Variants in ANKHD1 observed in about 807,000 individuals in gnomAD.
ANKHD1 encodes ankyrin repeat and KH domain containing 1, also known as ankyrin repeat and KH domain-containing protein 1.
ANKHD1 carries 31 observed loss-of-function variants against 230.5 expected under a neutral mutation model. The ratio of observed to expected loss-of-function variants is 0.13; its 90% CI spans 0.10 to 0.18. The LOEUF (loss-of-function observed/expected upper bound fraction) is 0.18. Among genes scored for constraint, ANKHD1 ranks in the 10% least tolerant of loss-of-function variants. The pLI is 1.00. For synonymous variants in ANKHD1, 1,074 were observed against 1,117.6 expected (o/e 0.96, Z 0.78); for missense variants, 2,256 against 3,071.3 (o/e 0.73, Z 6.27).
intron 2 of ANKHD1, among the ~76,000 whole-genome samples, chr5:140,436,846 A>T (rs545581601): frequency 6.6e-6 from 1 of 152,142 alleles, no homozygotes; most frequent in African/African-American, 2.4e-5. Flanking sequence ...TAATCAGTTT[A>T]TGACTTCTTT....
rs766649408 is a variant in ANKHD1 at position 140,438,453 on chromosome 5, C to A, written c.461-8C>A. 2.5e-6 allele frequency: 4 copies of A among 1,596,984 alleles called. No homozygotes were observed. Among genetic ancestry groups the A allele is most frequent in the Non-Finnish European group, 3.4e-6 (4 of 1,170,742 alleles). ...CTGCACTACCTGATTGATTGATGCA[C>A]ACTGAAGGAATTGGCAAATTGTCAA... On this transcript the variant is annotated splice_region_variant and splice_polypyrimidine_tract_variant and intron_variant, in intron 2 of 33. Coordinates refer to ENST00000360839, the MANE Select transcript of ANKHD1 (RefSeq NM_017747.3).
chr5:140,526,721 T>A (rs886958218), intron 26 of ANKHD1, among the ~76,000 whole-genome samples: 3 of 152,188 alleles, frequency 2.0e-5, no homozygotes, highest in African/African-American at 7.2e-5. Flanking sequence ...TTGATTATAG[T>A]CTAATTTTTG....
At chr5:140,443,812 CTAACTT>C (rs893082764) in intron 5 of ANKHD1, among the ~76,000 whole-genome samples, 27 of 152,106 alleles carry the variant, frequency 1.8e-4, no homozygotes, top group Middle Eastern at 6.8e-3. Context: ...TCAAATAACT[CTAACTT>C]TAAGCCAAAC....
chr5:140,504,934 C>T lies in ANKHD1; in HGVS notation c.3118C>T (p.Pro1040Ser). 1.2e-6 allele frequency: 2 copies of T among 1,614,104 alleles called. No homozygotes were observed. Among genetic ancestry groups the T allele is most frequent in the East Asian group, 4.5e-5 (2 of 44,878 alleles). ...TSNVASQSMP[P>S]VYPSVDIDAH... The stretch of plus-strand genomic sequence containing the variant: ...CAATGTGGCTTCCCAATCGATGCCT[C>T]CTGTGTATCCTTCAGTTGACATTGA... Residue 1040 changes from proline (P) to serine (S), a missense_variant, in exon 16 of 34, where the codon CCT becomes TCT. This residue lies in a region of ANKHD1 where 358 missense variants were observed against 397.7 expected (regional missense o/e 0.90). Transcript: ENST00000360839.
rs117708939 is a variant in ANKHD1, at chr5:140,487,257, T to G, written c.2245+197T>G. Among the ~76,000 whole-genome samples, 23 of 152,306 alleles carry G rather than the reference T, an allele frequency of 1.5e-4. No homozygotes were observed. In the East Asian group the frequency reaches 4.2e-3, roughly 28 times the overall value. ...AAATGACTTTTTATTATTTTCCTGT[T>G]AACATACTGATAGTTGTAGCTTTCA... On this transcript the variant is annotated intron_variant, in intron 14 of 33. Coordinates refer to ENST00000360839, the MANE Select transcript of ANKHD1 (RefSeq NM_017747.3).
intron 24 of ANKHD1, among the ~76,000 whole-genome samples, chr5:140,514,961 A>G (rs1211319776): frequency 7.0e-6 from 1 of 142,404 alleles, no homozygotes; most frequent in African/African-American, 2.6e-5. Flanking sequence ...CCTGGGTGAC[A>G]GAGCAAGACC....
intron 1 of ANKHD1, among the ~76,000 whole-genome samples, chr5:140,418,484 A>G (rs1176479836): frequency 6.6e-6 from 1 of 152,074 alleles, no homozygotes; most frequent in Non-Finnish European, 1.5e-5. Context: ...TTGTATGACC[A>G]TCAACTAACT....
At position 140,509,736 on chromosome 5, in the gene ANKHD1, C is replaced by A. The variant is rs756787243; in HGVS notation, c.3865C>A (p.Pro1289Thr). 6.2e-7 allele frequency: 1 copy of A among 1,613,440 alleles called. No homozygotes were observed. Among genetic ancestry groups the A allele is most frequent in the East Asian group, 2.2e-5 (1 of 44,868 alleles). The change falls in exon 21 of 34, where the codon CCT becomes ACT. Residue 1289 changes from proline (P) to threonine (T), a missense_variant. By Grantham distance (38) the Pro-to-Thr change is conservative (BLOSUM62 -1). This residue lies in a region of ANKHD1 where 195 missense variants were observed against 340.3 expected (regional missense o/e 0.57). Transcript: ENST00000360839. Reference protein sequence around the residue: ...KGADVNAPPVPSSRDTALTIA... With the variant: ...KGADVNAPPVTSSRDTALTIA... ...AGCAGATGTTAATGCTCCCCCTGTG[C>A]CTTCCTCAAGAGATACTGCTTTAAC...
intron 11 of ANKHD1, 102 bp downstream of exon 11, chr5:140,482,769 A>C: frequency 8.1e-7 from 1 of 1,241,984 alleles, no homozygotes; most frequent in Non-Finnish European, 1.1e-6. Context: ...CCTACAGTAA[A>C]GTATTGTATT....
intron 1 of ANKHD1, among the ~76,000 whole-genome samples, chr5:140,433,989 G>C (rs1285528396): frequency 6.6e-6 from 1 of 152,152 alleles, no homozygotes; most frequent in Non-Finnish European, 1.5e-5. Flanking sequence ...ATCTTTGTCT[G>C]TAGTTACATG....
intron 1 of ANKHD1, among the ~76,000 whole-genome samples, chr5:140,427,338 C>T (rs1367812982): frequency 7.1e-6 from 1 of 141,758 alleles, no homozygotes; most frequent in Non-Finnish European, 1.6e-5. Flanking sequence ...CCCCCCACCT[C>T]CCTCCCGGAC....
At position 140,462,882 on chromosome 5, in the gene ANKHD1, G is replaced by T. The variant is rs561815941; in HGVS notation, c.1673-1785G>T. Among the ~76,000 whole-genome samples the T allele has an allele frequency of 2.0e-5, 3 of 152,236 alleles. No individual in the cohort carries two copies. In the South Asian group the frequency reaches 6.2e-4, roughly 32 times the overall value. ...TTGTTTTGAGACAGGGTCTCACTCTGTTACCCTGGCTGGAATGTAGTGGTG... is the reference window on the plus strand; with the variant it reads ...TTGTTTTGAGACAGGGTCTCACTCTTTTACCCTGGCTGGAATGTAGTGGTG... On this transcript the variant is annotated intron_variant, in intron 9 of 33. Coordinates refer to ENST00000360839, the MANE Select transcript of ANKHD1 (RefSeq NM_017747.3).
intron 10 of ANKHD1, among the ~76,000 whole-genome samples, chr5:140,471,850 G>T (rs1209975989): frequency 3.3e-5 from 5 of 152,132 alleles, no homozygotes; most frequent in Admixed American, 2.6e-4. Context: ...TTATCTTACA[G>T]TATTTTCCTC....
chr5:140,444,343 C>T (rs1383545986), intron 5 of ANKHD1, among the ~76,000 whole-genome samples: 1 of 152,080 alleles, frequency 6.6e-6, no homozygotes, highest in South Asian at 2.1e-4. Flanking sequence ...TAGTCAAGTT[C>T]GTATTTTAAT....
intron 24 of ANKHD1, among the ~76,000 whole-genome samples, chr5:140,521,223 TA>T (rs1241348909): frequency 2.6e-5 from 4 of 152,182 alleles, no homozygotes; most frequent in Admixed American, 6.5e-5. Flanking sequence ...AATTTTGGTT[TA>T]AAAAAACTTC....
intron 10 of ANKHD1, among the ~76,000 whole-genome samples, chr5:140,468,667 A>C (rs1474808640): frequency 6.6e-6 from 1 of 152,176 alleles, no homozygotes; most frequent in Admixed American, 6.5e-5. Flanking sequence ...ATTTCTGTAT[A>C]CCCAAAATAT....
intron 5 of ANKHD1, among the ~76,000 whole-genome samples, chr5:140,445,067 C>T (rs941997312): frequency 1.3e-5 from 2 of 151,960 alleles, no homozygotes; most frequent in Non-Finnish European, 2.9e-5. Flanking sequence ...TGGTCTCAAA[C>T]TCCTTGGTCT....
chr5:140,508,639 C>G (rs932078518), intron 20 of ANKHD1, among the ~76,000 whole-genome samples: 9 of 152,024 alleles, frequency 5.9e-5, no homozygotes, highest in African/African-American at 1.9e-4. Flanking sequence ...GCCTTTAATC[C>G]CAGCTACTCA....
Position 140,529,376 on chromosome 5 carries a change from T to C in ANKHD1, c.6430T>C (p.Tyr2144His). 1 of 1,614,216 alleles carries C rather than the reference T, an allele frequency of 6.2e-7. No homozygotes were observed. Among genetic ancestry groups the C allele is most frequent in the African/African-American group, 1.3e-5 (1 of 75,046 alleles). The change falls in exon 29 of 34, where the codon TAC (tyrosine) becomes CAC (histidine). Residue 2144 changes from tyrosine to histidine, a missense_variant. Transcript: ENST00000360839. ...TCGAATGCAGCCCAGAGGTTCTTTT[T>C]ACTCCATGGTACCAAATGCAACTAT... ...SHRMQPRGSFYSMVPNATIHQ... is the reference protein window; with the variant it reads ...SHRMQPRGSFHSMVPNATIHQ...
Sources: gnomAD v4.1 joint callset for allele counts (sites outside exome capture counted in the v4.1 genomes callset) on GRCh38, gnomAD v4.1.1 for gene constraint, gnomAD v4.1.1 regional missense constraint, MANE v1.5 for transcripts, NCBI Gene and HGNC (gene_info 2026-07-23, HGNC 2026-07-21) for gene names.